The following ANKS1B variants were observed in gnomAD, a reference collection of about 807,000 sequenced individuals.
The protein encoded by ANKS1B is ankyrin repeat and sterile alpha motif domain-containing protein 1B.
Under a neutral mutation model 148.3 loss-of-function variants are expected in ANKS1B, and 36 were observed. That is an observed-to-expected ratio of 0.24 (90% CI 0.19 to 0.32). The LOEUF is 0.32. ANKS1B is among the 10% of genes least tolerant of loss of function. ANKS1B has a pLI of 1.00. For missense variants in ANKS1B, 1,157 were observed against 1,542.6 expected, an observed-to-expected ratio of 0.75 and a Z score of 4.19; for synonymous variants, 542 against 560.8, an observed-to-expected ratio of 0.97 and a Z score of 0.47.
chr12:99,235,578 G>A (rs1469854580), intron 14 of ANKS1B, among the ~76,000 whole-genome samples: 5 of 152,144 alleles, frequency 3.3e-5, no homozygotes, highest in African/African-American at 4.8e-5. Context: ...AGGCTGGTTC[G>A]TTGGGTTTTG....
intron 14 of ANKS1B, among the ~76,000 whole-genome samples, chr12:99,178,289 T>G (rs1000579251): frequency 6.6e-6 from 1 of 152,330 alleles, no homozygotes; most frequent in East Asian, 1.9e-4. Flanking sequence ...TGTAGGCCAT[T>G]TGGACTCTTT....
intron 14 of ANKS1B, among the ~76,000 whole-genome samples, chr12:99,242,089 G>C (rs1377228633): frequency 2.0e-5 from 3 of 152,182 alleles, no homozygotes; most frequent in Non-Finnish European, 4.4e-5. Context: ...ATTAGAAAAA[G>C]AGGAAGTCAA....
intron 9 of ANKS1B, among the ~76,000 whole-genome samples, chr12:99,580,254 C>CT: frequency 6.6e-6 from 1 of 152,188 alleles, no homozygotes; most frequent in Admixed American, 6.5e-5. Context: ...ACTATGCTCA[C>CT]TACCTGGGTG....
chr12:99,167,715 T>C (rs1483818332), intron 14 of ANKS1B, among the ~76,000 whole-genome samples: 4 of 152,050 alleles, frequency 2.6e-5, no homozygotes, highest in African/African-American at 7.2e-5. Flanking sequence ...CCAAAAGAAA[T>C]AAAAACATAT....
chr12:98,745,924 G>T, intron 26 of ANKS1B, 75 bp from the exon 27 acceptor site: 1 of 1,501,562 alleles, frequency 6.7e-7, no homozygotes, highest in African/African-American at 1.4e-5. Flanking sequence ...CGCCGCTGGC[G>T]AACCCACGCG....
chr12:99,457,295 T>C (rs769694542), intron 10 of ANKS1B, among the ~76,000 whole-genome samples: 6 of 151,460 alleles, frequency 4.0e-5, no homozygotes, highest in Non-Finnish European at 8.8e-5. Context: ...AAACAAATCC[T>C]CGAAATACAC....
chr12:98,740,465 C>T (rs1024587802), downstream of ANKS1B, among the ~76,000 whole-genome samples: 29 of 152,208 alleles, frequency 1.9e-4, no homozygotes, highest in African/African-American at 6.5e-4. Context: ...GTTTGGTGTG[C>T]ATATTAACCC....
chr12:99,422,737 A>G (rs182981131), intron 11 of ANKS1B, among the ~76,000 whole-genome samples: 3 of 152,328 alleles, frequency 2.0e-5, no homozygotes, highest in African/African-American at 7.2e-5. Flanking sequence ...TAAAATTTGC[A>G]TAGCTATGGG....
chr12:99,316,549 T>A (rs1214932277), intron 12 of ANKS1B, among the ~76,000 whole-genome samples: 5 of 152,146 alleles, frequency 3.3e-5, no homozygotes, highest in African/African-American at 1.2e-4. Context: ...TTTTAAGTTC[T>A]TTGTAGATTC....
At chr12:99,469,184 G>A (rs548892522) in intron 10 of ANKS1B, among the ~76,000 whole-genome samples, 6,468 of 150,412 alleles carry the variant, frequency 0.043, 483 homozygotes, top group African/African-American at 0.15. Context: ...GTAAACTATC[G>A]CAAGGACAAA....
chr12:99,076,550 T>C (rs992735212), intron 16 of ANKS1B, among the ~76,000 whole-genome samples: 10 of 152,132 alleles, frequency 6.6e-5, no homozygotes. Context: ...TAGCATATAG[T>C]CCCATGAAGA....
chr12:99,501,715 T>G (rs1333738553), intron 10 of ANKS1B, among the ~76,000 whole-genome samples: 3 of 152,110 alleles, frequency 2.0e-5, no homozygotes, highest in Non-Finnish European at 4.4e-5. Context: ...GTTTTCAGTA[T>G]CCAAAGCCAC....
intron 9 of ANKS1B, among the ~76,000 whole-genome samples, chr12:99,629,835 A>G (rs987167018): frequency 1.3e-5 from 2 of 152,132 alleles, no homozygotes; most frequent in Non-Finnish European, 2.9e-5. Flanking sequence ...TCTAATTTTT[A>G]TATCAACCCT....
At chr12:99,154,439 G>A (rs749950768) in intron 14 of ANKS1B, 44 bp from the exon 15 acceptor site, 82 of 1,613,500 alleles carry the variant, frequency 5.1e-5, no homozygotes, top group East Asian at 4.5e-4. Context: ...GGGAGTAGCC[G>A]TCCACGGGGT....
intron 14 of ANKS1B, among the ~76,000 whole-genome samples, chr12:99,160,504 A>ATT (rs3077550): frequency 1.5e-5 from 2 of 136,756 alleles, no homozygotes; most frequent in Non-Finnish European, 1.6e-5. Flanking sequence ...ACACCAGGCT[A>ATT]TTTTTTTTTT....
At chr12:99,410,677 A>C (rs116063966) in intron 11 of ANKS1B, among the ~76,000 whole-genome samples, 1 of 152,160 alleles carries the variant, frequency 6.6e-6, no homozygotes, top group African/African-American at 2.4e-5. Context: ...TCAAACAAAC[A>C]AACAAACCAA....
intron 17 of ANKS1B, among the ~76,000 whole-genome samples, chr12:98,874,262 G>A (rs1029702582): frequency 2.6e-5 from 4 of 151,638 alleles, no homozygotes; most frequent in Admixed American, 2.0e-4. Flanking sequence ...CATCTAGAGG[G>A]AATAAACCCA....
intron 9 of ANKS1B, among the ~76,000 whole-genome samples, chr12:99,537,632 C>T (rs529912820): frequency 6.6e-6 from 1 of 152,174 alleles, no homozygotes; most frequent in Non-Finnish European, 1.5e-5. Context: ...GAGTTGTTCG[C>T]ACACTCTATA....
chr12:99,114,041 T>G (rs1405474395), intron 15 of ANKS1B, among the ~76,000 whole-genome samples: 1 of 152,228 alleles, frequency 6.6e-6, no homozygotes, highest in Non-Finnish European at 1.5e-5. Context: ...TTGTAATACT[T>G]TTGCACAACA....
Sources: allele counts gnomAD v4.1 joint callset (sites outside exome capture counted in the v4.1 genomes callset), GRCh38; gene constraint gnomAD v4.1.1; transcripts MANE v1.5; gene names NCBI Gene and HGNC (gene_info 2026-07-23, HGNC 2026-07-21).